The following CHL1 variants were observed in gnomAD, a reference collection of about 807,000 sequenced individuals.
The protein encoded by CHL1 is cell adhesion molecule L1 like.
In CHL1, 96 loss-of-function variants were observed where a neutral mutation model predicts 141.9. The ratio of observed to expected loss-of-function variants is 0.68; its 90% CI spans 0.57 to 0.80. CHL1 has a LOEUF of 0.80. CHL1 is among the 30% of genes least tolerant of loss of function. The pLI is 0.00. For synonymous variants in CHL1, 613 were observed against 502.2 expected, an observed-to-expected ratio of 1.22 and a Z score of -2.95; for missense variants, 1,820 against 1,457.2, an observed-to-expected ratio of 1.25 and a Z score of -4.05.
intron 1 of CHL1, among the ~76,000 whole-genome samples, chr3:211,564 G>C (rs551167906): frequency 3.5e-4 from 53 of 152,198 alleles, no homozygotes; most frequent in Middle Eastern, 3.4e-3. Flanking sequence ...CTGTGGCTTA[G>C]CCATTTTTCT....
chr3:250,408 C>A lies in CHL1; in HGVS notation c.-95+5716C>A, dbSNP rs556083599. 1.1e-4 allele frequency among the ~76,000 whole-genome samples: 17 copies of A among 152,228 alleles called. No individual in the cohort carries two copies. The South Asian group carries it at 2.9e-3, about 26-fold the overall frequency. On this transcript the variant is annotated intron_variant, in intron 2 of 27. Transcript: ENST00000256509. The stretch of plus-strand genomic sequence containing the variant: ...CAAGACAAAGGAAAAGAGATTTAGG[C>A]TTCTAGGAGCAGTTAATTGTGAGAA...
intron 2 of CHL1, among the ~76,000 whole-genome samples, chr3:306,015 T>C (rs1007839694): frequency 6.6e-6 from 1 of 152,282 alleles, no homozygotes; most frequent in Non-Finnish European, 1.5e-5. Flanking sequence ...ATCTAACTGG[T>C]TATCATGCAA....
rs1015725545 is a variant in CHL1 at position 319,992 on chromosome 3, T to C, written c.91+125T>C. On this transcript the variant is annotated intron_variant, in intron 3 of 27. Coordinates refer to ENST00000256509, the MANE Select transcript of CHL1 (RefSeq NM_006614.4). ...TATTTCTATATATTCTTTAGCAATCTGTCATGAGAATTCATATCTATCTTT... is the reference window on the plus strand; with the variant it reads ...TATTTCTATATATTCTTTAGCAATCCGTCATGAGAATTCATATCTATCTTT... 8.4e-6 allele frequency: 5 copies of C among 596,838 alleles called. No homozygotes were observed. In the Admixed American group the frequency reaches 1.3e-4, roughly 15 times the overall value. The allele number at this position is 596,838 out of a possible 1,614,324, so 37.0% of individuals were successfully genotyped here. A position where few individuals can be genotyped will look rare whatever the true frequency, so the allele number is the denominator to read the frequency against.
intron 8 of CHL1, 64 bp downstream of exon 8, chr3:343,095 AT>A: frequency 7.6e-7 from 1 of 1,318,848 alleles, no homozygotes; most frequent in Non-Finnish European, 1.0e-6. Flanking sequence ...CAGATTTTGA[AT>A]TTTTTCTTTA....
At chr3:228,183 TG>T (rs778557998) in intron 1 of CHL1, among the ~76,000 whole-genome samples, 3 of 152,206 alleles carry the variant, frequency 2.0e-5, no homozygotes, top group Non-Finnish European at 4.4e-5. Context: ...AAAAACAATA[TG>T]TTTTTTAAGG....
intron 11 of CHL1, among the ~76,000 whole-genome samples, chr3:355,191 C>A (rs906591533): frequency 6.6e-6 from 1 of 152,114 alleles, no homozygotes; most frequent in Non-Finnish European, 1.5e-5. Context: ...TGGGCTCTGC[C>A]CTTTTAAGGG....
intron 1 of CHL1, chr3:213,059 G>C (rs181072175): frequency 2.0e-5 from 3 of 152,324 alleles, no homozygotes; most frequent in African/African-American, 7.2e-5. Context: ...GCAACTTGAA[G>C]TCATTGCATT....
chr3:308,999 C>G (rs1156265272), intron 2 of CHL1: 1 of 152,738 alleles, frequency 6.5e-6, no homozygotes, highest in South Asian at 2.1e-4. Flanking sequence ...CAGTGGAGCT[C>G]GCACTGCTGT....
At chr3:226,367 G>A (rs1214841229) in intron 1 of CHL1, among the ~76,000 whole-genome samples, 1 of 68,824 alleles carries the variant, frequency 1.5e-5, no homozygotes, top group African/African-American at 4.9e-5. Flanking sequence ...TTATATAATA[G>A]AATATTTTAT....
In CHL1 at chr3:382,186, G is replaced by A. The variant is rs141236298; in HGVS notation, c.1884G>A (p.Pro628=). The A allele has an allele frequency of 1.3e-4, 204 of 1,612,680 alleles. No homozygotes were observed. Among genetic ancestry groups the A allele is most frequent in the East Asian group, 2.0e-4 (9 of 44,858 alleles). ...CCTTCCTTTATTAATTAGATGTTCC[G>A]GATCCACCAGAAAACCTTCACTTGT... ...DITQVTVLDV[P]DPPENLHLSE... Residue 628 remains proline, a synonymous_variant, in exon 17 of 28, where the codon CCG becomes CCA. Coordinates refer to ENST00000256509, the MANE Select transcript of CHL1 (RefSeq NM_006614.4).
At chr3:328,727 G>A (rs573838969) in intron 5 of CHL1, among the ~76,000 whole-genome samples, 63 of 152,230 alleles carry the variant, frequency 4.1e-4, no homozygotes, top group African/African-American at 1.3e-3. Flanking sequence ...TTTACTGTGG[G>A]CCTGGCAACT....
At chr3:256,672 T>C (rs455187) in intron 2 of CHL1, among the ~76,000 whole-genome samples, 58,253 of 152,020 alleles carry the variant, frequency 0.38, 11,376 homozygotes, top group South Asian at 0.61. Context: ...GTTGAGAAAC[T>C]CTGGCTTAGA....
At chr3:360,947 T>C (rs1370111844) in intron 12 of CHL1, among the ~76,000 whole-genome samples, 1 of 151,730 alleles carries the variant, frequency 6.6e-6, no homozygotes, top group East Asian at 1.9e-4. Context: ...CTGCATAGTA[T>C]TCCATGGTGT....
At chr3:381,699 T>G (rs1031192103) in intron 16 of CHL1, among the ~76,000 whole-genome samples, 1 of 152,120 alleles carries the variant, frequency 6.6e-6, no homozygotes, top group African/African-American at 2.4e-5. Flanking sequence ...AAAAAGAATA[T>G]TAGCTCTGGC....
intron 2 of CHL1, among the ~76,000 whole-genome samples, chr3:282,025 T>A (rs1212383081): frequency 6.6e-6 from 1 of 152,262 alleles, no homozygotes; most frequent in African/African-American, 2.4e-5. Flanking sequence ...ACTGATAAGG[T>A]AGAATTGATG....
At chr3:231,973 T>C (rs1473307410) in intron 1 of CHL1, among the ~76,000 whole-genome samples, 1 of 152,138 alleles carries the variant, frequency 6.6e-6, no homozygotes, top group East Asian at 1.9e-4. Context: ...TAATGAATGG[T>C]TTCCAACATT....
intron 19 of CHL1, among the ~76,000 whole-genome samples, chr3:388,496 G>A (rs562624214): frequency 6.8e-6 from 1 of 147,970 alleles, no homozygotes; most frequent in African/African-American, 2.6e-5. Context: ...GCCGTGAGCC[G>A]AGATCACACC....
At chr3:346,813 G>A (rs960579162) in intron 9 of CHL1, among the ~76,000 whole-genome samples, 1 of 152,054 alleles carries the variant, frequency 6.6e-6, no homozygotes, top group African/African-American at 2.4e-5. Flanking sequence ...AAGTTTTCAA[G>A]CCATTAACCT....
intron 2 of CHL1, among the ~76,000 whole-genome samples, chr3:276,907 A>T (rs1279164128): frequency 1.3e-5 from 2 of 150,374 alleles, no homozygotes; most frequent in African/African-American, 4.9e-5. Flanking sequence ...AAAAAAAAAA[A>T]AAAAAAAAAG....
Sources: allele counts gnomAD v4.1 joint callset (sites outside exome capture counted in the v4.1 genomes callset), GRCh38; gene constraint gnomAD v4.1.1; transcripts MANE v1.5; gene names NCBI Gene and HGNC (gene_info 2026-07-23, HGNC 2026-07-21).